The following TMEM178A variants were observed in gnomAD, a reference collection of about 807,000 sequenced individuals.
The protein encoded by TMEM178A is transmembrane protein 178.
TMEM178A carries 12 observed loss-of-function variants against 29.1 expected under a neutral mutation model. The observed-to-expected ratio is 0.41, with a 90% CI of 0.26 to 0.67. The LOEUF (loss-of-function observed/expected upper bound fraction) is 0.67, where lower values mean the gene tolerates loss of function less well. Among genes scored for constraint, TMEM178A ranks in the 30% least tolerant of loss-of-function variants. The probability of loss-of-function intolerance (pLI) is 0.29; values close to 1 mark genes in which losing one functional copy is unlikely to be tolerated. For missense variants in TMEM178A, 366 were observed against 419.1 expected (o/e 0.87, Z 1.11); for synonymous variants, 210 against 187.2 (o/e 1.12, Z -0.99).
chr2:39,698,157 A>G (rs1671631483), intron 1 of TMEM178A, among the ~76,000 whole-genome samples: 1 of 152,238 alleles, frequency 6.6e-6, no homozygotes, highest in South Asian at 2.1e-4. Flanking sequence ...CCACAAAATT[A>G]AGATGCATGT....
chr2:39,682,125 G>C lies in TMEM178A; in HGVS notation c.400+15751G>C, dbSNP rs190029310. Among the ~76,000 whole-genome samples, 224 of 152,342 alleles carry C rather than the reference G, an allele frequency of 1.5e-3. 2 individuals carry two copies. Among genetic ancestry groups the C allele is most frequent in the Non-Finnish European group, 5.6e-4 (38 of 68,028 alleles). On this transcript the variant is annotated intron_variant, in intron 1 of 3. Coordinates refer to ENST00000281961, the MANE Select transcript of TMEM178A (RefSeq NM_152390.3). ...TATGACTTACTTGGAGCATCAGGAA[G>C]TACAGAATGAGTTTTCCAAATAGCT...
rs577781340 is a variant in TMEM178A at position 39,671,084 on chromosome 2, A to G, written c.400+4710A>G. On this transcript the variant is annotated intron_variant, in intron 1 of 3. Transcript: ENST00000281961. ...GAATTCTTGAAACTTGGAATAGAAC[A>G]TGTTCTTGTAGTTGCAGAAGCATTT... is the stretch of plus-strand genomic sequence containing the variant. Among the ~76,000 whole-genome samples the G allele has an allele frequency of 2.0e-5, 3 of 152,324 alleles. No individual in the cohort carries two copies. In the South Asian group the frequency reaches 6.2e-4, roughly 32 times the overall value.
At chr2:39,731,803 G>T in the TMEM178A span, among the ~76,000 whole-genome samples, 921 of 152,274 alleles carry the variant, frequency 6.0e-3, 13 homozygotes, top group African/African-American at 0.021. Context: ...AGAAGTCCTT[G>T]TTGGGCCAGT....
At chr2:39,688,529 C>G (rs1476003337) in intron 1 of TMEM178A, among the ~76,000 whole-genome samples, 1 of 152,228 alleles carries the variant, frequency 6.6e-6, no homozygotes, top group East Asian at 1.9e-4. Context: ...ACTCTTGTTG[C>G]AGCATCTAAA....
At chr2:39,700,836 T>C (rs1384473750) in intron 1 of TMEM178A, among the ~76,000 whole-genome samples, 1 of 149,074 alleles carries the variant, frequency 6.7e-6, no homozygotes, top group African/African-American at 2.5e-5. Flanking sequence ...TTACTACATA[T>C]TTTTTTTTTG....
chr2:39,690,257 G>A (rs184654026), intron 1 of TMEM178A, among the ~76,000 whole-genome samples: 13 of 152,334 alleles, frequency 8.5e-5, no homozygotes, highest in African/African-American at 2.6e-4. Context: ...CTGCAGTCAC[G>A]TGCTCCCTCA....
At chr2:39,682,243 CAG>C (rs1178767272) in intron 1 of TMEM178A, among the ~76,000 whole-genome samples, 2 of 152,146 alleles carry the variant, frequency 1.3e-5, no homozygotes, top group East Asian at 3.9e-4. Context: ...CCTTCTGAAA[CAG>C]AGAGCGCTAA....
chr2:39,733,820 T>C, the TMEM178A span, among the ~76,000 whole-genome samples: 4 of 152,324 alleles, frequency 2.6e-5, no homozygotes, highest in African/African-American at 9.6e-5. Context: ...ATAGCTGAAA[T>C]GTCTGTATGC....
At chr2:39,728,976 A>T in the TMEM178A span, among the ~76,000 whole-genome samples, 4,018 of 152,256 alleles carry the variant, frequency 0.026, 191 homozygotes, top group African/African-American at 0.092. Flanking sequence ...TGAGAATGAG[A>T]TGTGCAGAGC....
At chr2:39,670,533 C>T (rs1174011670) in intron 1 of TMEM178A, among the ~76,000 whole-genome samples, 1 of 152,132 alleles carries the variant, frequency 6.6e-6, no homozygotes, top group East Asian at 1.9e-4. Context: ...GGTAAAATGA[C>T]AGAAAATACA....
At chr2:39,706,820 T>C (rs968708626) in intron 2 of TMEM178A, among the ~76,000 whole-genome samples, 5 of 152,188 alleles carry the variant, frequency 3.3e-5, no homozygotes, top group Non-Finnish European at 7.3e-5. Context: ...AGTGTGGACT[T>C]CTCCACGGAC....
intron 1 of TMEM178A, among the ~76,000 whole-genome samples, chr2:39,695,752 C>T (rs1261726382): frequency 6.6e-6 from 1 of 151,936 alleles, no homozygotes; most frequent in African/African-American, 2.4e-5. Flanking sequence ...ATTGTATGTT[C>T]CTGGACAGAG....
chr2:39,675,711 CA>C (rs981019557), intron 1 of TMEM178A, among the ~76,000 whole-genome samples: 1 of 151,794 alleles, frequency 6.6e-6, no homozygotes, highest in Non-Finnish European at 1.5e-5. Context: ...AAATGCCAGA[CA>C]TTTTTTTTTT....
rs1672567812 is a variant in TMEM178A, at chr2:39,717,001, T to G, written c.653-9T>G. The G allele has an allele frequency of 1.2e-6, 2 of 1,606,424 alleles. No homozygotes were observed. The highest frequency in any genetic ancestry group is 1.4e-5 in the African/African-American group (1 of 74,070). ...ACTAATCATTCTGTTCTCTTTGTAT[T>G]ATTTATAGGGATATTTTGCACCATT... On this transcript the variant is annotated splice_polypyrimidine_tract_variant and intron_variant, in intron 3 of 3. Coordinates refer to ENST00000281961, the MANE Select transcript of TMEM178A (RefSeq NM_152390.3).
chr2:39,725,365 G>A, the TMEM178A span, among the ~76,000 whole-genome samples: 1 of 152,182 alleles, frequency 6.6e-6, no homozygotes, highest in Non-Finnish European at 1.5e-5. Context: ...ATCAAGAAAG[G>A]TGTCAGAAAA....
intron 3 of TMEM178A, among the ~76,000 whole-genome samples, chr2:39,712,660 A>G (rs536589231): frequency 6.6e-6 from 1 of 150,532 alleles, no homozygotes; most frequent in East Asian, 1.9e-4. Flanking sequence ...AGGACTCAGG[A>G]ACCTCTCTCT....
intron 1 of TMEM178A, among the ~76,000 whole-genome samples, chr2:39,702,948 T>A (rs1328265512): frequency 6.6e-6 from 1 of 152,126 alleles, no homozygotes; most frequent in East Asian, 1.9e-4. Flanking sequence ...TACACTAATA[T>A]CTGAGAAACT....
intron 1 of TMEM178A, among the ~76,000 whole-genome samples, chr2:39,669,304 A>C (rs778888306): frequency 1.3e-5 from 2 of 152,216 alleles, no homozygotes; most frequent in Non-Finnish European, 2.9e-5. Context: ...TATGGAAAAC[A>C]TTCTCATAAT....
chr2:39,668,389 T>C (rs189717291), intron 1 of TMEM178A, among the ~76,000 whole-genome samples: 2 of 152,322 alleles, frequency 1.3e-5, no homozygotes, highest in East Asian at 3.9e-4. Context: ...TGATGGTGTT[T>C]AGCTAATCTT....
Sources: allele counts gnomAD v4.1 joint callset (sites outside exome capture counted in the v4.1 genomes callset), GRCh38; gene constraint gnomAD v4.1.1; transcripts MANE v1.5; gene names NCBI Gene and HGNC (gene_info 2026-07-23, HGNC 2026-07-21).